SUPT6H: variants seen among roughly 807,000 people sequenced by gnomAD.
The protein encoded by SUPT6H is transcription elongation factor SPT6.
A neutral mutation model predicts 222.3 loss-of-function variants in SUPT6H; 11 were observed. The observed-to-expected ratio is 0.05, with a 90% CI of 0.03 to 0.08. SUPT6H has a LOEUF of 0.08. Ranked by LOEUF, SUPT6H falls within the 10% of genes least tolerant of loss-of-function variation. The probability of loss-of-function intolerance (pLI) is 1.00; values close to 1 mark genes in which losing one functional copy is unlikely to be tolerated. For synonymous variants in SUPT6H, 762 were observed against 801.2 expected (o/e 0.95, Z 0.83); for missense variants, 1,422 against 2,216.0 (o/e 0.64, Z 7.19).
At position 28,683,070 on chromosome 17, in the gene SUPT6H, C is replaced by T. The variant is rs761429543; in HGVS notation, c.1856C>T (p.Thr619Ile). Residue 619 changes from threonine to isoleucine, a missense_variant, in exon 15 of 37, where the codon ACC becomes ATC. Thr to Ile is a moderately conservative substitution (Grantham distance 89). Transcript: ENST00000314616. The part of the protein sequence containing the change: ...TFQERAKLNI[T>I]PTKKGRKDVD... ...CAAGAGAGAGCCAAGTTAAATATAA[C>T]CCCCACCAAGAAAGGTAGAAAGGTG... is the stretch of plus-strand genomic sequence containing the variant. 6.2e-7 allele frequency: 1 copy of T among 1,606,870 alleles called. No individual in the cohort carries two copies. Among genetic ancestry groups the T allele is most frequent in the Non-Finnish European group, 8.5e-7 (1 of 1,177,718 alleles).
rs898177906 is a variant in SUPT6H, at chr17:28,664,044, A to G, written c.-32+1702A>G. Among the ~76,000 whole-genome samples, 6 of 151,596 alleles carry G rather than the reference A, an allele frequency of 4.0e-5. No individual in the cohort carries two copies. In the South Asian group the frequency reaches 6.2e-4, roughly 16 times the overall value. ...AGTGACTTCTATGTTGCCAAATCCAATGGATACTTTGTTCTCATATTCCTC... is the reference window on the plus strand; with the variant it reads ...AGTGACTTCTATGTTGCCAAATCCAGTGGATACTTTGTTCTCATATTCCTC... On this transcript the variant is annotated intron_variant, in intron 1 of 36. Coordinates refer to ENST00000314616, the MANE Select transcript of SUPT6H (RefSeq NM_003170.5).
At chr17:28,692,541 C>T (rs570666126) in intron 27 of SUPT6H, among the ~76,000 whole-genome samples, 1 of 146,926 alleles carries the variant, frequency 6.8e-6, no homozygotes, top group Non-Finnish European at 1.5e-5. Context: ...AGGGAGGGGC[C>T]TCAGTTGCAG....
intron 35 of SUPT6H, 155 bp downstream of exon 35, chr17:28,700,667 G>T: frequency 9.0e-7 from 1 of 1,117,052 alleles, no homozygotes. Flanking sequence ...CCCATTTGAA[G>T]GGGAAGAGGG....
chr17:28,676,579 G>C, intron 7 of SUPT6H, 149 bp downstream of exon 7: 2 of 1,231,878 alleles, frequency 1.6e-6, no homozygotes, highest in Admixed American at 5.3e-5. Context: ...TTAGAGAAGG[G>C]AAGATAGACT....
intron 4 of SUPT6H, 95 bp downstream of exon 4, chr17:28,674,708 T>C: frequency 8.4e-7 from 1 of 1,193,792 alleles, no homozygotes; most frequent in Non-Finnish European, 1.2e-6. Flanking sequence ...GCAGGACAGT[T>C]TGGAGAACAT....
At position 28,700,012 on chromosome 17, in the gene SUPT6H, C is replaced by T. The variant is rs2032068440; in HGVS notation, c.4561+119C>T. ...GTAGGCTGTCACTGCAGCTGTCTTACTCCTCCTGCAGCCTCCCAGCACCAG... is the reference window on the plus strand; with the variant it reads ...GTAGGCTGTCACTGCAGCTGTCTTATTCCTCCTGCAGCCTCCCAGCACCAG... On this transcript the variant is annotated intron_variant, in intron 33 of 36. Transcript: ENST00000314616. The T allele has an allele frequency of 3.6e-6, 5 of 1,378,540 alleles. No individual in the cohort carries two copies. In the African/African-American group the frequency reaches 4.3e-5, roughly 12 times the overall value. 85.4% of individuals were successfully genotyped at this position (1,378,540 alleles called of 1,614,324 possible).
At chr17:28,686,466 C>A in intron 20 of SUPT6H, 51 bp downstream of exon 20, 1 of 1,587,070 alleles carries the variant, frequency 6.3e-7, no homozygotes, top group Non-Finnish European at 8.6e-7. Context: ...CCAACTCATC[C>A]CTTATTATTG....
chr17:28,687,287 C>T lies in SUPT6H; in HGVS notation c.2839-17C>T, dbSNP rs1414526365. 1.2e-6 allele frequency: 2 copies of T among 1,614,112 alleles called. No individual in the cohort carries two copies. The highest frequency in any genetic ancestry group is 3.3e-5 in the Admixed American group (2 of 60,028). On this transcript the variant is annotated splice_polypyrimidine_tract_variant and intron_variant, in intron 22 of 36. Coordinates refer to ENST00000314616, the MANE Select transcript of SUPT6H (RefSeq NM_003170.5). ...AAAGGCAGAGTAACCTTACTCCTGC[C>T]TGCTGAATGTCCACAGGAGCATGTG...
At chr17:28,700,579 C>T (rs2032092357) in intron 35 of SUPT6H, 67 bp downstream of exon 35, 2 of 1,556,240 alleles carry the variant, frequency 1.3e-6, no homozygotes, top group East Asian at 4.5e-5. Flanking sequence ...TCGCATTGCC[C>T]ACAAGGGGCT....
Position 28,673,355 on chromosome 17 carries a change from T to C in SUPT6H, c.-31-16T>C. ...ATGTGTCCGTTTTTTTATCCTTCAC[T>C]CTTTTCTTTCCCTAGTTATCTTCAG... On this transcript the variant is annotated splice_polypyrimidine_tract_variant and intron_variant, in intron 1 of 36. Transcript: ENST00000314616. 6.7e-7 allele frequency: 1 copy of C among 1,501,838 alleles called. No homozygotes were observed. Among genetic ancestry groups the C allele is most frequent in the South Asian group, 1.1e-5 (1 of 87,754 alleles). The allele number at this position is 1,501,838 out of a possible 1,614,324, so 93.0% of individuals were successfully genotyped here. A position where few individuals can be genotyped will look rare whatever the true frequency, so the allele number is the denominator to read the frequency against.
At chr17:28,700,839 C>T in intron 35 of SUPT6H, 102 bp from the exon 36 acceptor site, 1 of 1,385,220 alleles carries the variant, frequency 7.2e-7, no homozygotes, top group Non-Finnish European at 9.9e-7. Context: ...GGAAGATCAT[C>T]TGGAAAGCTT....
chr17:28,693,467 A>G (rs2031767210), intron 27 of SUPT6H, among the ~76,000 whole-genome samples: 1 of 152,208 alleles, frequency 6.6e-6, no homozygotes. Context: ...ATCTCAAAAA[A>G]AAGAAAAAGA....
Position 28,697,839 on chromosome 17 carries a change from G to A in SUPT6H, c.4324-67G>A, listed in dbSNP as rs1162310378. 1.9e-6 allele frequency: 3 copies of A among 1,607,434 alleles called. No homozygotes were observed. In the African/African-American group the frequency reaches 4.0e-5, roughly 21 times the overall value. ...AGGCGGTGAAGGAAGTGTACATCATGTGTGCACCAGACGTTGTGTACCAAG... is the reference window on the plus strand; with the variant it reads ...AGGCGGTGAAGGAAGTGTACATCATATGTGCACCAGACGTTGTGTACCAAG... On this transcript the variant is annotated intron_variant, in intron 31 of 36. Coordinates refer to ENST00000314616, the MANE Select transcript of SUPT6H (RefSeq NM_003170.5).
In SUPT6H at chr17:28,662,233, C is replaced by G. The variant is rs1597676387; in HGVS notation, c.-141C>G. 1 of 209,608 alleles carries G rather than the reference C, an allele frequency of 4.8e-6. No individual in the cohort carries two copies. The highest frequency in any genetic ancestry group is 9.9e-6 in the Non-Finnish European group (1 of 101,324). 13.0% of individuals were successfully genotyped at this position (209,608 alleles called of 1,614,324 possible). A position where few individuals can be genotyped will look rare whatever the true frequency, so the allele number is the denominator to read the frequency against. On this transcript the variant is annotated 5_prime_UTR_variant, in exon 1 of 37. Coordinates refer to ENST00000314616, the MANE Select transcript of SUPT6H (RefSeq NM_003170.5). ...GACGCAGCAGCGGCGGCGGTGGCGG[C>G]GGAGGGGCCGTGCGGTGGGTCCGTA...
In SUPT6H at chr17:28,687,411, C is replaced by T; in HGVS notation, c.2946C>T (p.Ser982=). The T allele has an allele frequency of 6.2e-7, 1 of 1,614,188 alleles. No individual in the cohort carries two copies. ...DVNRAIAHPY[S]QALIQYVCGL... is the part of the protein sequence containing the mutation. ...ACCGTGCCATTGCCCACCCTTACAGCCAGGCCTTGATCCAGTATGTTTGTG... is the reference window on the plus strand; with the variant it reads ...ACCGTGCCATTGCCCACCCTTACAGTCAGGCCTTGATCCAGTATGTTTGTG... Residue 982 remains serine, a synonymous_variant, in exon 23 of 37, where the codon AGC becomes AGT. Transcript: ENST00000314616.
At chr17:28,675,555 AG>A in intron 6 of SUPT6H, 70 bp downstream of exon 6, 2 of 1,546,046 alleles carry the variant, frequency 1.3e-6, no homozygotes, top group Non-Finnish European at 1.8e-6. Context: ...AGGAGATCAG[AG>A]GCCTTTGCCA....
intron 24 of SUPT6H, chr17:28,689,057 A>G (rs2031524985): frequency 6.4e-6 from 2 of 313,656 alleles, no homozygotes; most frequent in Non-Finnish European, 1.2e-5. Context: ...TTTTATGTAT[A>G]CTACAGTTTT....
chr17:28,663,827 C>CTTTTTTT (rs1567681347), intron 1 of SUPT6H, among the ~76,000 whole-genome samples: 5 of 8,406 alleles, frequency 5.9e-4, no homozygotes, highest in African/African-American at 1.3e-3. Context: ...CTGCCCACTC[C>CTTTTTTT]ATTTTTTTTT....
At position 28,695,340 on chromosome 17, in the gene SUPT6H, CTG is replaced by C; in HGVS notation, c.3775-9_3775-8del. On this transcript the variant is annotated splice_polypyrimidine_tract_variant and intron_variant, in intron 28 of 36. Coordinates refer to ENST00000314616, the MANE Select transcript of SUPT6H (RefSeq NM_003170.5). ...CTTTGTCCCTTCCAGCTCAAATGTT[CTG>C]TGGATCTAGGTGGGAATGACTGTTC... 6.2e-7 allele frequency: 1 copy of C among 1,610,054 alleles called. No homozygotes were observed. Among genetic ancestry groups the C allele is most frequent in the Non-Finnish European group, 8.5e-7 (1 of 1,177,274 alleles).
Sources: allele counts gnomAD v4.1 joint callset (sites outside exome capture counted in the v4.1 genomes callset), GRCh38; gene constraint gnomAD v4.1.1; transcripts MANE v1.5; gene names NCBI Gene and HGNC (gene_info 2026-07-23, HGNC 2026-07-21).